DLGAP2: variants seen among roughly 807,000 people sequenced by gnomAD.
DLGAP2 encodes DLG associated protein 2.
Under a neutral mutation model 100.3 loss-of-function variants are expected in DLGAP2, and 26 were observed. That is an observed-to-expected ratio of 0.26 (90% CI 0.19 to 0.36). The LOEUF is 0.36. Among genes scored for constraint, DLGAP2 ranks in the 10% least tolerant of loss-of-function variants. The pLI, the probability that DLGAP2 is intolerant of heterozygous loss-of-function variation, is 1.00. For missense variants in DLGAP2, 1,858 were observed against 1,453.2 expected, an observed-to-expected ratio of 1.28 and a Z score of -4.53; for synonymous variants, 886 against 630.1, an observed-to-expected ratio of 1.41 and a Z score of -6.08.
At chr8:1,655,337 A>G (rs1228183302) in intron 8 of DLGAP2, among the ~76,000 whole-genome samples, 1 of 152,212 alleles carries the variant, frequency 6.6e-6, no homozygotes, top group African/African-American at 2.4e-5. Flanking sequence ...TCTCATTCAG[A>G]CAGTCATGGG....
At position 1,021,230 on chromosome 8, in the gene DLGAP2, A is replaced by G. The variant is rs114002588; in HGVS notation, c.73+113264A>G. Among the ~76,000 whole-genome samples the G allele has an allele frequency of 6.2e-3, 946 of 152,322 alleles. 12 individuals are homozygous for G. The highest frequency in any genetic ancestry group is 0.021 in the African/African-American group (853 of 41,568). ...TTACCCTTGACATCAGAAACATAAG[A>G]AGGATGGAACGCATAGATTTGCTGA... On this transcript the variant is annotated intron_variant, in intron 2 of 14. Transcript: ENST00000637795.
At chr8:824,478 A>G (rs1280105552) in intron 1 of DLGAP2, among the ~76,000 whole-genome samples, 2 of 152,106 alleles carry the variant, frequency 1.3e-5, no homozygotes, top group African/African-American at 4.8e-5. Context: ...TACTTTTCCT[A>G]TATAAATATC....
At chr8:1,109,133 G>A (rs34418694) in intron 2 of DLGAP2, among the ~76,000 whole-genome samples, 2,179 of 69,128 alleles carry the variant, frequency 0.032, 61 homozygotes, top group East Asian at 0.046. Context: ...GTGCCTATGA[G>A]GTGTGCTGGA....
At chr8:783,919 GC>G (rs1821768014) in intron 1 of DLGAP2, among the ~76,000 whole-genome samples, 1 of 152,186 alleles carries the variant, frequency 6.6e-6, no homozygotes, top group Non-Finnish European at 1.5e-5. Context: ...GGATATCATA[GC>G]GTTATCGGCT....
intron 2 of DLGAP2, among the ~76,000 whole-genome samples, chr8:914,947 G>A (rs1798559859): frequency 6.6e-6 from 1 of 152,140 alleles, no homozygotes; most frequent in South Asian, 2.1e-4. Context: ...ATCCTTGGGG[G>A]TGTCAGGAGG....
rs889768189 is a variant in DLGAP2, at chr8:1,501,465, G to T, written c.172+34G>T. 2.6e-6 allele frequency: 4 copies of T among 1,533,600 alleles called. No homozygotes were observed. In the Admixed American group the frequency reaches 5.9e-5, roughly 23 times the overall value. 95.0% of individuals were successfully genotyped at this position (1,533,600 alleles called of 1,614,324 possible). On this transcript the variant is annotated intron_variant, in intron 4 of 14. Transcript: ENST00000637795. ...CAGACGTCAGCCCCGCTCTGGCGGG[G>T]CCCGGACAGAACCGGGCATGCTCCG...
intron 6 of DLGAP2, among the ~76,000 whole-genome samples, chr8:1,590,790 C>T (rs897266864): frequency 3.3e-5 from 5 of 152,166 alleles, no homozygotes; most frequent in Non-Finnish European, 5.9e-5. Flanking sequence ...CTCCCCATCC[C>T]GTTCGGAGGC....
At chr8:1,180,749 G>T (rs968975258) in intron 2 of DLGAP2, among the ~76,000 whole-genome samples, 8 of 151,332 alleles carry the variant, frequency 5.3e-5, no homozygotes, top group Middle Eastern at 3.5e-3. Flanking sequence ...GTCTGTGTGG[G>T]TGTGCCAGGG....
chr8:1,571,218 ACT>A (rs1802659322), intron 6 of DLGAP2, among the ~76,000 whole-genome samples: 1 of 120,844 alleles, frequency 8.3e-6, no homozygotes. Context: ...GAGAGGGTGA[ACT>A]CTGGGGGTGT....
intron 4 of DLGAP2, among the ~76,000 whole-genome samples, chr8:1,520,455 T>G (rs1800554814): frequency 6.6e-6 from 1 of 152,226 alleles, no homozygotes; most frequent in Non-Finnish European, 1.5e-5. Context: ...TCCTTCATCC[T>G]TCACGTCAGG....
intron 3 of DLGAP2, among the ~76,000 whole-genome samples, chr8:1,318,683 A>G (rs1800822937): frequency 6.6e-6 from 1 of 151,800 alleles, no homozygotes. Flanking sequence ...GCAACATACT[A>G]AGTTACCACT....
chr8:1,263,901 T>G (rs1292240704), intron 3 of DLGAP2, among the ~76,000 whole-genome samples: 2 of 152,176 alleles, frequency 1.3e-5, no homozygotes, highest in Non-Finnish European at 2.9e-5. Context: ...TAGTGATTAT[T>G]GTTGCTTAAG....
intron 1 of DLGAP2, among the ~76,000 whole-genome samples, chr8:745,278 A>C (rs954655637): frequency 6.6e-6 from 1 of 152,234 alleles, no homozygotes; most frequent in African/African-American, 2.4e-5. Context: ...TACTATATAT[A>C]ATTTAGAAAT....
intron 3 of DLGAP2, among the ~76,000 whole-genome samples, chr8:1,310,576 G>T (rs570961508): frequency 6.6e-6 from 1 of 152,198 alleles, no homozygotes; most frequent in Non-Finnish European, 1.5e-5. Context: ...ATTCTCCACA[G>T]TAGGCCACAT....
At chr8:1,271,222 C>T (rs1799575968) in intron 3 of DLGAP2, among the ~76,000 whole-genome samples, 1 of 152,062 alleles carries the variant, frequency 6.6e-6, no homozygotes, top group Non-Finnish European at 1.5e-5. Flanking sequence ...GCCAAACAGG[C>T]CTTGGTAAAA....
chr8:1,349,614 G>T (rs4996726), intron 3 of DLGAP2, among the ~76,000 whole-genome samples: 1,285 of 49,314 alleles, frequency 0.026, 93 homozygotes, highest in Middle Eastern at 0.11. Context: ...CCACATCCAC[G>T]CATGTCATGA....
At chr8:1,476,557 C>A (rs1463130084) in intron 3 of DLGAP2, among the ~76,000 whole-genome samples, 5 of 152,314 alleles carry the variant, frequency 3.3e-5, no homozygotes, top group Admixed American at 1.3e-4. Flanking sequence ...TGGTTCCCCC[C>A]TCAGTTCCCA....
At chr8:1,062,658 C>G (rs1201373880) in intron 2 of DLGAP2, among the ~76,000 whole-genome samples, 1 of 152,178 alleles carries the variant, frequency 6.6e-6, no homozygotes, top group South Asian at 2.1e-4. Context: ...CTCCCTCCCT[C>G]CTGGCCATAG....
At chr8:1,186,332 C>T (rs1225692116) in intron 2 of DLGAP2, among the ~76,000 whole-genome samples, 3 of 152,204 alleles carry the variant, frequency 2.0e-5, no homozygotes, top group Non-Finnish European at 2.9e-5. Flanking sequence ...AAAATTATTT[C>T]CTCCTTATTC....
Sources: allele counts gnomAD v4.1 joint callset (sites outside exome capture counted in the v4.1 genomes callset), GRCh38; gene constraint gnomAD v4.1.1; transcripts MANE v1.5; gene names NCBI Gene and HGNC (gene_info 2026-07-23, HGNC 2026-07-21).